ZNF439: variants seen among roughly 807,000 people sequenced by gnomAD.
The protein encoded by ZNF439 is zinc finger protein 439.
ZNF439 carries 40 observed loss-of-function variants against 47.3 expected under a neutral mutation model. The ratio of observed to expected loss-of-function variants is 0.85; its 90% CI spans 0.66 to 1.10. The LOEUF (loss-of-function observed/expected upper bound fraction) is 1.10, where lower values mean the gene tolerates loss of function less well. ZNF439 is among the 50% of genes least tolerant of loss of function. The probability of loss-of-function intolerance (pLI) is 0.00; values close to 1 mark genes in which losing one functional copy is unlikely to be tolerated. For synonymous variants in ZNF439, 171 were observed against 198.8 expected, an observed-to-expected ratio of 0.86 and a Z score of 1.18; for missense variants, 556 against 601.1, an observed-to-expected ratio of 0.93 and a Z score of 0.78.
At position 11,848,733 on chromosome 19, in the gene ZNF439, A is replaced by C. The variant is rs534672032; in HGVS notation, c.-135A>C. 8 of 1,169,722 alleles carry C rather than the reference A, an allele frequency of 6.8e-6. No homozygotes were observed. The East Asian group carries it at 3.8e-4, about 55-fold the overall frequency. 72.5% of individuals were successfully genotyped at this position (1,169,722 alleles called of 1,614,324 possible). On this transcript the variant is annotated 5_prime_UTR_variant, in exon 1 of 4. Transcript: ENST00000682736. The stretch of plus-strand genomic sequence containing the variant: ...TGGCTCGGGGCCCTGCCCACTGTGC[A>C]TCCAGGCACGGAGGATGTTGCATTC...
chr19:11,862,292 T>C (rs1241176291), intron 1 of ZNF439, among the ~76,000 whole-genome samples: 1 of 152,142 alleles, frequency 6.6e-6, no homozygotes, highest in Admixed American at 6.5e-5. Context: ...ATTGAAAGGC[T>C]CATCTTGAGC....
At position 11,866,615 on chromosome 19, in the gene ZNF439, G is replaced by C. The variant is rs1293983605; in HGVS notation, c.251+18G>C. 3.1e-6 allele frequency: 5 copies of C among 1,609,476 alleles called. No individual in the cohort carries two copies. The highest frequency in any genetic ancestry group is 4.3e-6 in the Non-Finnish European group (5 of 1,176,154). ...AACTTCAGGTAATTTGCACTTATAA[G>C]AGAAAGCAGTGTCTCTCTACACGAT... On this transcript the variant is annotated intron_variant, in intron 3 of 3. Coordinates refer to ENST00000682736, the MANE Select transcript of ZNF439 (RefSeq NM_001348719.2).
chr19:11,851,427 G>T (rs373479285), intron 1 of ZNF439, among the ~76,000 whole-genome samples: 106 of 152,308 alleles, frequency 7.0e-4, no homozygotes, highest in Middle Eastern at 6.8e-3. Context: ...GTCGTTGTGG[G>T]AGTGTAAGGA....
At chr19:11,860,125 T>C (rs1976500162) in intron 1 of ZNF439, among the ~76,000 whole-genome samples, 1 of 152,132 alleles carries the variant, frequency 6.6e-6, no homozygotes, top group Non-Finnish European at 1.5e-5. Flanking sequence ...GTCTGAGAAC[T>C]AACCTGAGCA....
In ZNF439 at chr19:11,868,841, G is replaced by A. The variant is rs762466606; in HGVS notation, c.*272G>A. ...ATGAATGTAAGAAATGTGGAAAAGCGTTCCATAATTTCTCTTCTTTTCAAA... is the reference window on the plus strand; with the variant it reads ...ATGAATGTAAGAAATGTGGAAAAGCATTCCATAATTTCTCTTCTTTTCAAA... On this transcript the variant is annotated 3_prime_UTR_variant, in exon 4 of 4. Transcript: ENST00000682736. 20 of 494,026 alleles carry A rather than the reference G, an allele frequency of 4.0e-5. No individual in the cohort carries two copies. Among genetic ancestry groups the A allele is most frequent in the East Asian group, 1.1e-4 (3 of 26,454 alleles). 30.6% of individuals were successfully genotyped at this position (494,026 alleles called of 1,614,324 possible).
intron 1 of ZNF439, among the ~76,000 whole-genome samples, chr19:11,864,572 C>T (rs1976623862): frequency 1.3e-5 from 2 of 152,160 alleles, no homozygotes; most frequent in African/African-American, 4.8e-5. Context: ...GCTGGGATTG[C>T]AGGCATAAGC....
In ZNF439 at chr19:11,867,905, T is replaced by C. The variant is rs752110991; in HGVS notation, c.851T>C (p.Phe284Ser). 6.2e-7 allele frequency: 1 copy of C among 1,614,092 alleles called. No homozygotes were observed. Residue 284 changes from phenylalanine to serine, a missense_variant, in exon 4 of 4, where the codon TTC becomes TCC. Phe to Ser is a radical substitution (Grantham distance 155). Transcript: ENST00000682736. ...PYECQECGKA[F>S]HSPRSCHRHE... ...GAATGTCAGGAATGTGGGAAAGCAT[T>C]CCATAGTCCCAGATCCTGTCACAGA...
intron 1 of ZNF439, among the ~76,000 whole-genome samples, chr19:11,853,345 G>T (rs369146570): frequency 1.3e-5 from 2 of 152,188 alleles, no homozygotes; most frequent in East Asian, 1.9e-4. Flanking sequence ...AAAGGCAAAA[G>T]AATATGTTTG....
intron 1 of ZNF439, among the ~76,000 whole-genome samples, chr19:11,852,245 ACCCC>A (rs1036194504): frequency 6.6e-6 from 1 of 151,946 alleles, no homozygotes; most frequent in African/African-American, 2.4e-5. Flanking sequence ...ACATAGTGAG[ACCCC>A]CCATCTCAAT....
intron 1 of ZNF439, among the ~76,000 whole-genome samples, chr19:11,854,301 A>G (rs1208653975): frequency 1.3e-5 from 2 of 152,248 alleles, no homozygotes; most frequent in Non-Finnish European, 2.9e-5. Flanking sequence ...GACCAAGGAA[A>G]CAATAGCCAA....
chr19:11,866,113 C>T, intron 1 of ZNF439, 92 bp from the exon 2 acceptor site: 3 of 1,580,698 alleles, frequency 1.9e-6, no homozygotes, highest in Non-Finnish European at 2.6e-6. Context: ...GTTTGGAGTC[C>T]ACGGCATCCT....
In ZNF439 at chr19:11,868,556, G is replaced by C. The variant is rs377200934; in HGVS notation, c.1502G>C (p.Arg501Thr). The C allele has an allele frequency of 2.5e-4, 403 of 1,607,288 alleles. 7 individuals carry two copies. The South Asian group carries it at 4.2e-3, about 17-fold the overall frequency. ...CAAACACATAAGAATGCACTCTGGAGAAAGACCTTATAAATATAAGATATA... is the reference window on the plus strand; with the variant it reads ...CAAACACATAAGAATGCACTCTGGACAAAGACCTTATAAATATAAGATATA... ...RTQTHKNALW[R>T]KTL The change falls in exon 4 of 4, where the codon AGA becomes ACA. Residue 501 changes from arginine to threonine, a missense_variant. Coordinates refer to ENST00000682736, the MANE Select transcript of ZNF439 (RefSeq NM_001348719.2).
chr19:11,851,859 G>C (rs1976253320), intron 1 of ZNF439, among the ~76,000 whole-genome samples: 1 of 152,016 alleles, frequency 6.6e-6, no homozygotes, highest in Non-Finnish European at 1.5e-5. Context: ...CATTGCCCAG[G>C]CTTGTCTCTA....
chr19:11,867,247 G>C, intron 3 of ZNF439, 59 bp from the exon 4 acceptor site: 2 of 1,558,306 alleles, frequency 1.3e-6, no homozygotes. Context: ...AATACTTGCT[G>C]ATTAATATAA....
At position 11,868,700 on chromosome 19, in the gene ZNF439, A is replaced by G. The variant is rs770722228; in HGVS notation, c.*131A>G. 8 of 1,009,514 alleles carry G rather than the reference A, an allele frequency of 7.9e-6. No individual in the cohort carries two copies. Among genetic ancestry groups the G allele is most frequent in the Non-Finnish European group, 1.2e-5 (8 of 666,384 alleles). The allele number at this position is 1,009,514 out of a possible 1,614,324, so 62.5% of individuals were successfully genotyped here. ...CTTAATTGTTCCAGTTCCTTTCGAT[A>G]TCTAAAAGGACTCACAGTGGAGAAA... On this transcript the variant is annotated 3_prime_UTR_variant, in exon 4 of 4. Coordinates refer to ENST00000682736, the MANE Select transcript of ZNF439 (RefSeq NM_001348719.2).
At chr19:11,849,551 C>G (rs1361684360) in intron 1 of ZNF439, 1 of 154,162 alleles carries the variant, frequency 6.5e-6, no homozygotes, top group Non-Finnish European at 1.4e-5. Context: ...ACAGGAATTG[C>G]AGGGAAAATG....
intron 1 of ZNF439, chr19:11,849,140 G>A: frequency 1.8e-6 from 2 of 1,141,698 alleles, no homozygotes; most frequent in Non-Finnish European, 2.2e-6. Context: ...TGCGGCCTTG[G>A]CCCCGAAGCC....
intron 1 of ZNF439, among the ~76,000 whole-genome samples, chr19:11,855,817 TG>T (rs1187801850): frequency 6.6e-6 from 1 of 152,224 alleles, no homozygotes; most frequent in Non-Finnish European, 1.5e-5. Context: ...GCTTCTTGCA[TG>T]GTTTTCTTGA....
At position 11,868,192 on chromosome 19, in the gene ZNF439, A is replaced by C; in HGVS notation, c.1138A>C (p.Thr380Pro). The change falls in exon 4 of 4, where the codon ACT becomes CCT. Residue 380 changes from threonine to proline, a missense_variant. Physicochemically the swap from Thr to Pro is conservative, Grantham distance 38. Transcript: ENST00000682736. ...CAAGTCATTTCAAAGACATGAAAAA[A>C]CTCACAGTGGAGAGAAACCGTATAA... ...SAKSFQRHEK[T>P]HSGEKPYKCK... The C allele has an allele frequency of 2.5e-6, 4 of 1,613,746 alleles. No individual in the cohort carries two copies. Among genetic ancestry groups the C allele is most frequent in the East Asian group, 2.2e-5 (1 of 44,842 alleles).
Sources: gnomAD v4.1 joint callset for allele counts (sites outside exome capture counted in the v4.1 genomes callset) on GRCh38, gnomAD v4.1.1 for gene constraint, MANE v1.5 for transcripts, NCBI Gene and HGNC (gene_info 2026-07-23, HGNC 2026-07-21) for gene names.